Variants in SH3RF3 observed in about 807,000 individuals in gnomAD.
SH3RF3 encodes SH3 domain containing ring finger 3.
Under a neutral mutation model 66.3 loss-of-function variants are expected in SH3RF3, and 29 were observed. The ratio of observed to expected loss-of-function variants is 0.44; its 90% confidence interval spans 0.33 to 0.60. The LOEUF (loss-of-function observed/expected upper bound fraction) is 0.60, where lower values mean the gene tolerates loss of function less well. Among genes scored for constraint, SH3RF3 ranks in the 20% least tolerant of loss-of-function variants. SH3RF3 has a pLI of 0.04. For synonymous variants in SH3RF3, 583 were observed against 532.0 expected (o/e 1.10, Z -1.32); for missense variants, 1,194 against 1,190.9 (o/e 1.00, Z -0.04).
chr2:109,251,463 C>T, intron 1 of SH3RF3: 1 of 731,194 alleles, frequency 1.4e-6, no homozygotes, highest in Non-Finnish European at 2.6e-6. Context: ...AATCTATGGA[C>T]AAGAAGTTGT....
chr2:109,250,353 A>G (rs1031956086), intron 1 of SH3RF3, among the ~76,000 whole-genome samples: 1 of 152,130 alleles, frequency 6.6e-6, no homozygotes, highest in African/African-American at 2.4e-5. Context: ...AACAGTCTCC[A>G]TCAGCTCTGA....
intron 8 of SH3RF3, among the ~76,000 whole-genome samples, chr2:109,472,109 T>C (rs1678532066): frequency 6.6e-6 from 1 of 152,232 alleles, no homozygotes; most frequent in South Asian, 2.1e-4. Flanking sequence ...AGATTGTTAA[T>C]TATTATTAAT....
intron 1 of SH3RF3, among the ~76,000 whole-genome samples, chr2:109,203,365 T>C (rs1161772084): frequency 1.3e-5 from 2 of 152,192 alleles, no homozygotes; most frequent in African/African-American, 4.8e-5. Context: ...TGCTGCCCTG[T>C]TGTGAGACGG....
At chr2:109,441,132 C>CAAAAAAAAAAAAAAAA (rs55649222) in intron 7 of SH3RF3, among the ~76,000 whole-genome samples, 248 of 133,816 alleles carry the variant, frequency 1.9e-3, no homozygotes, top group African/African-American at 6.9e-3. Context: ...TATAGGAATA[C>CAAAAAAAAAAAAAAAA]AAAAAAAAAA....
intron 5 of SH3RF3, among the ~76,000 whole-genome samples, chr2:109,424,720 G>A (rs1308442653): frequency 2.0e-5 from 3 of 152,184 alleles, no homozygotes; most frequent in Non-Finnish European, 4.4e-5. Flanking sequence ...TACTCGATAA[G>A]TGATGTGTAT....
chr2:109,221,598 A>G (rs1031608574), intron 1 of SH3RF3, among the ~76,000 whole-genome samples: 2 of 151,868 alleles, frequency 1.3e-5, no homozygotes, highest in Non-Finnish European at 2.9e-5. Flanking sequence ...AAAAAAAAAA[A>G]AAAAGTGTGC....
chr2:109,236,467 T>A lies in SH3RF3; in HGVS notation c.573+106354T>A, dbSNP rs368819358. 2.7e-3 allele frequency among the ~76,000 whole-genome samples: 417 copies of A among 152,276 alleles called. 4 individuals are homozygous for A. Among genetic ancestry groups the A allele is most frequent in the African/African-American group, 9.7e-3 (401 of 41,550 alleles). On this transcript the variant is annotated intron_variant, in intron 1 of 9. Transcript: ENST00000309415. Reference sequence around the variant, plus strand: ...TTGAGCACACAGCTGTGAGCCGTGTTTTTTAGGAATCAGAAAAGGTGGTCT... The same window carrying A: ...TTGAGCACACAGCTGTGAGCCGTGTATTTTAGGAATCAGAAAAGGTGGTCT...
At chr2:109,343,744 C>CTTT (rs35606755) in intron 1 of SH3RF3, among the ~76,000 whole-genome samples, 1 of 143,786 alleles carries the variant, frequency 7.0e-6, no homozygotes. Context: ...CCCTGGTTTC[C>CTTT]TTTTTTTTTT....
At chr2:109,352,667 CAG>C (rs1385332579) in intron 2 of SH3RF3, among the ~76,000 whole-genome samples, 1 of 152,228 alleles carries the variant, frequency 6.6e-6, no homozygotes, top group Non-Finnish European at 1.5e-5. Context: ...CCGAGAAACT[CAG>C]GGAACCAGTT....
chr2:109,135,524 C>T (rs1426235853), intron 1 of SH3RF3, among the ~76,000 whole-genome samples: 1 of 152,212 alleles, frequency 6.6e-6, no homozygotes, highest in Middle Eastern at 3.2e-3. Flanking sequence ...GTTTCAGTGC[C>T]TGTTCCTAAT....
intron 1 of SH3RF3, among the ~76,000 whole-genome samples, chr2:109,197,017 T>A (rs1427659061): frequency 6.6e-6 from 1 of 152,176 alleles, no homozygotes; most frequent in Non-Finnish European, 1.5e-5. Flanking sequence ...ACCATAGCCC[T>A]GTGAGTGGGT....
chr2:109,391,754 C>A lies in SH3RF3; in HGVS notation c.946-6836C>A, dbSNP rs570329197. Among the ~76,000 whole-genome samples the A allele has an allele frequency of 3.9e-5, 6 of 152,336 alleles. No individual in the cohort carries two copies. In the South Asian group the frequency reaches 1.2e-3, roughly 32 times the overall value. ...GAAGGGAACAGAACGGCCACCAACC[C>A]TTGGTAACTATAGCTGGCATCTGTC... On this transcript the variant is annotated intron_variant, in intron 3 of 9. Transcript: ENST00000309415.
intron 3 of SH3RF3, among the ~76,000 whole-genome samples, chr2:109,376,715 C>T (rs915454080): frequency 1.3e-5 from 2 of 152,232 alleles, no homozygotes; most frequent in African/African-American, 4.8e-5. Context: ...ATTGGCTGCT[C>T]CCTGTGTTGC....
At chr2:109,403,611 G>A (rs1034961792) in intron 4 of SH3RF3, among the ~76,000 whole-genome samples, 2 of 152,230 alleles carry the variant, frequency 1.3e-5, no homozygotes, top group African/African-American at 4.8e-5. Context: ...GGTCCCTGCG[G>A]TGCTCCATAA....
At position 109,240,515 on chromosome 2, in the gene SH3RF3, C is replaced by T. The variant is rs1019585021; in HGVS notation, c.574-107159C>T. On this transcript the variant is annotated intron_variant, in intron 1 of 9. Transcript: ENST00000309415. ...AAAATACAAACAACAAAAACTAAAA[C>T]CAGAGTCAGGGTTGGGCTTGATGGT... 1.5e-4 allele frequency among the ~76,000 whole-genome samples: 23 copies of T among 152,086 alleles called. 1 individual carries two copies. The highest frequency in any genetic ancestry group is 5.2e-4 in the Admixed American group (8 of 15,270).
chr2:109,150,314 G>A (rs1014521194), intron 1 of SH3RF3, among the ~76,000 whole-genome samples: 1 of 152,038 alleles, frequency 6.6e-6, no homozygotes, highest in African/African-American at 2.4e-5. Context: ...AGGGTTGGGG[G>A]AGGGGGCATG....
chr2:109,371,267 G>C (rs1200608874), intron 2 of SH3RF3, among the ~76,000 whole-genome samples: 1 of 152,254 alleles, frequency 6.6e-6, no homozygotes, highest in East Asian at 1.9e-4. Flanking sequence ...GCACACGCCT[G>C]TAATCCCAGC....
chr2:109,418,403 G>T (rs542183871), intron 4 of SH3RF3, among the ~76,000 whole-genome samples: 1 of 152,290 alleles, frequency 6.6e-6, no homozygotes, highest in Admixed American at 6.5e-5. Flanking sequence ...CCCAAGTCAA[G>T]GTGTGGACAG....
intron 1 of SH3RF3, among the ~76,000 whole-genome samples, chr2:109,254,322 A>G (rs1337681776): frequency 1.3e-5 from 2 of 152,126 alleles, no homozygotes; most frequent in Non-Finnish European, 2.9e-5. Context: ...TCAGTGCCAT[A>G]ATTTTCTACC....
Sources: gnomAD v4.1 joint callset for allele counts (sites outside exome capture counted in the v4.1 genomes callset) on GRCh38, gnomAD v4.1.1 for gene constraint, MANE v1.5 for transcripts, NCBI Gene and HGNC (gene_info 2026-07-23, HGNC 2026-07-21) for gene names.